The following NAALADL2 variants were observed in gnomAD, a reference collection of about 807,000 sequenced individuals.
The protein encoded by NAALADL2 is inactive N-acetylated-alpha-linked acidic dipeptidase-like protein 2.
In NAALADL2, 76 loss-of-function variants were observed where a neutral mutation model predicts 87.2. The ratio of observed to expected loss-of-function variants is 0.87; its 90% confidence interval spans 0.72 to 1.05. NAALADL2 has a LOEUF of 1.05. Among genes scored for constraint, NAALADL2 ranks in the 50% least tolerant of loss-of-function variants. The pLI, the probability that NAALADL2 is intolerant of heterozygous loss-of-function variation, is 0.00. For missense variants in NAALADL2, 1,089 were observed against 945.8 expected (o/e 1.15, Z -1.99); for synonymous variants, 354 against 331.0 (o/e 1.07, Z -0.75).
At chr3:175,709,946 T>A (rs1740300089) in intron 11 of NAALADL2, among the ~76,000 whole-genome samples, 1 of 151,912 alleles carries the variant, frequency 6.6e-6, no homozygotes, top group African/African-American at 2.4e-5. Flanking sequence ...TGCGAGGAAA[T>A]CAAGACTGTG....
chr3:174,625,064 T>C (rs75174865), intron 2 of NAALADL2, among the ~76,000 whole-genome samples: 3,332 of 144,218 alleles, frequency 0.023, 165 homozygotes, highest in African/African-American at 0.081. Flanking sequence ...TCTCTTTTTT[T>C]TTTTTTTTTT....
At chr3:175,092,568 T>G (rs1393040925) in intron 1 of NAALADL2, among the ~76,000 whole-genome samples, 1 of 151,972 alleles carries the variant, frequency 6.6e-6, no homozygotes, top group African/African-American at 2.4e-5. Flanking sequence ...ATTTCCATAC[T>G]TATCTTTATT....
Position 174,739,987 on chromosome 3 carries a change from G to A in NAALADL2, c.-9+2241G>A, listed in dbSNP as rs553713848. 2.6e-5 allele frequency among the ~76,000 whole-genome samples: 4 copies of A among 152,048 alleles called. No homozygotes were observed. The South Asian group carries it at 6.2e-4, about 24-fold the overall frequency. ...TTTAAGGAGGCTTTCTAGTGATGCCGACTTGTATCTTATTACCTTGTTTTA... is the reference window on the plus strand; with the variant it reads ...TTTAAGGAGGCTTTCTAGTGATGCCAACTTGTATCTTATTACCTTGTTTTA... On this transcript the variant is annotated intron_variant, in intron 3 of 3. Transcript: ENST00000434257.
chr3:175,803,098 C>G lies in NAALADL2; in HGVS notation c.2283C>G (p.Thr761=), dbSNP rs752665150. 1.2e-6 allele frequency: 2 copies of G among 1,612,370 alleles called. No homozygotes were observed. The highest frequency in any genetic ancestry group is 2.2e-5 in the East Asian group (1 of 44,828). Residue 761 remains threonine (T), a synonymous_variant, in exon 14 of 14, where the codon ACC becomes ACG. Transcript: ENST00000454872. Reference sequence around the variant, plus strand: ...GCAAACCCCTTGCATCAAATGAGACCCTTCAAGAAGCCCTGTCAGAGGTGT... The same window carrying G: ...GCAAACCCCTTGCATCAAATGAGACGCTTCAAGAAGCCCTGTCAGAGGTGT... ...EHCKPLASNE[T]LQEALSEVLN...
At chr3:174,532,978 A>G (rs1456097696) in intron 1 of NAALADL2, among the ~76,000 whole-genome samples, 1 of 151,570 alleles carries the variant, frequency 6.6e-6, no homozygotes, top group Non-Finnish European at 1.5e-5. Flanking sequence ...CAGGCATGCC[A>G]CAGTACCAGG....
intron 1 of NAALADL2, among the ~76,000 whole-genome samples, chr3:174,882,698 T>A (rs1348916489): frequency 6.7e-6 from 1 of 148,224 alleles, no homozygotes; most frequent in Non-Finnish European, 1.5e-5. Context: ...TCCGTGTATA[T>A]ACATGTGTAT....
At chr3:175,194,782 GA>G (rs1738730035) in intron 2 of NAALADL2, among the ~76,000 whole-genome samples, 1 of 151,634 alleles carries the variant, frequency 6.6e-6, no homozygotes, top group Non-Finnish European at 1.5e-5. Context: ...AAGTTATTAA[GA>G]TTTTTTTCTA....
chr3:174,627,977 G>A (rs1188210579), intron 2 of NAALADL2, among the ~76,000 whole-genome samples: 2 of 152,148 alleles, frequency 1.3e-5, no homozygotes, highest in Non-Finnish European at 2.9e-5. Context: ...GTAATACTAT[G>A]TATTGGGTAC....
intron 8 of NAALADL2, among the ~76,000 whole-genome samples, chr3:175,471,104 A>C (rs1197694864): frequency 2.0e-5 from 3 of 152,128 alleles, no homozygotes; most frequent in Non-Finnish European, 4.4e-5. Context: ...AATATATTTT[A>C]TTATATATCT....
intron 2 of NAALADL2, among the ~76,000 whole-genome samples, chr3:174,592,291 A>G (rs1717451205): frequency 6.6e-6 from 1 of 152,062 alleles, no homozygotes; most frequent in African/African-American, 2.4e-5. Context: ...GTGCATGTGC[A>G]CAATGTGCAG....
At chr3:175,148,051 C>T (rs997202363) in intron 2 of NAALADL2, among the ~76,000 whole-genome samples, 6 of 148,964 alleles carry the variant, frequency 4.0e-5, no homozygotes, top group Admixed American at 2.0e-4. Context: ...GCCTGGGCAA[C>T]AAGAGCAAAA....
At chr3:174,836,441 T>C (rs760759249) in intron 3 of NAALADL2, among the ~76,000 whole-genome samples, 6 of 152,100 alleles carry the variant, frequency 3.9e-5, no homozygotes, top group Non-Finnish European at 5.9e-5. Flanking sequence ...AATATTGAAC[T>C]CTGCAGTTAA....
chr3:174,846,857 G>C (rs1203383962), intron 3 of NAALADL2, among the ~76,000 whole-genome samples: 1 of 152,072 alleles, frequency 6.6e-6, no homozygotes, highest in Non-Finnish European at 1.5e-5. Flanking sequence ...TATGTTTTAG[G>C]AAGACCACTA....
At chr3:175,476,640 A>G (rs111763397) in intron 9 of NAALADL2, among the ~76,000 whole-genome samples, 3,755 of 152,212 alleles carry the variant, frequency 0.025, 156 homozygotes, top group African/African-American at 0.082. Flanking sequence ...TTCTTGCTCA[A>G]TTGAGTGCAA....
intron 1 of NAALADL2, among the ~76,000 whole-genome samples, chr3:174,928,462 G>A (rs541756697): frequency 1.3e-5 from 2 of 152,202 alleles, no homozygotes; most frequent in South Asian, 4.1e-4. Flanking sequence ...GGCTAGTCTC[G>A]AACACCTGAC....
At chr3:175,505,948 G>A (rs1371924389) in intron 9 of NAALADL2, among the ~76,000 whole-genome samples, 2 of 152,034 alleles carry the variant, frequency 1.3e-5, no homozygotes, top group Non-Finnish European at 2.9e-5. Context: ...CTGGTGATTG[G>A]TATCACTTCA....
At chr3:174,897,766 C>T (rs1033951746) in intron 1 of NAALADL2, among the ~76,000 whole-genome samples, 9 of 152,060 alleles carry the variant, frequency 5.9e-5, no homozygotes, top group Non-Finnish European at 1.2e-4. Flanking sequence ...ACCTAAGTGT[C>T]CATCAACAGA....
chr3:175,555,655 A>G (rs959933857), intron 9 of NAALADL2, among the ~76,000 whole-genome samples: 1 of 152,218 alleles, frequency 6.6e-6, no homozygotes, highest in Non-Finnish European at 1.5e-5. Context: ...TTGATTGTGC[A>G]ATGATTATAA....
In NAALADL2 at chr3:175,096,753, T is replaced by C. The variant is rs1260991460; in HGVS notation, c.44-37T>C. 3 of 1,331,870 alleles carry C rather than the reference T, an allele frequency of 2.3e-6. No homozygotes were observed. In the African/African-American group the frequency reaches 4.4e-5, roughly 20 times the overall value. 82.5% of individuals were successfully genotyped at this position (1,331,870 alleles called of 1,614,324 possible). Reference sequence around the variant, plus strand: ...CTTTGTTAGTTTTTTTAATTGTGTGTTTATTTTATTAAAATATATTTTTCT... The same window carrying C: ...CTTTGTTAGTTTTTTTAATTGTGTGCTTATTTTATTAAAATATATTTTTCT... On this transcript the variant is annotated intron_variant, in intron 1 of 13. Transcript: ENST00000454872.
Sources: allele counts gnomAD v4.1 joint callset (sites outside exome capture counted in the v4.1 genomes callset), GRCh38; gene constraint gnomAD v4.1.1; transcripts MANE v1.5; gene names NCBI Gene and HGNC (gene_info 2026-07-23, HGNC 2026-07-21).